Variants in STARD13 observed in about 807,000 individuals in gnomAD.
The protein encoded by STARD13 is StAR related lipid transfer domain containing 13.
A neutral mutation model predicts 106.4 loss-of-function variants in STARD13; 62 were observed. The observed-to-expected ratio is 0.58, with a 90% CI of 0.48 to 0.72. The LOEUF (loss-of-function observed/expected upper bound fraction) is 0.72, where lower values mean the gene tolerates loss of function less well. STARD13 is among the 30% of genes least tolerant of loss of function. The pLI is 0.00. For synonymous variants in STARD13, 565 were observed against 553.0 expected (o/e 1.02, Z -0.31); for missense variants, 1,387 against 1,424.0 (o/e 0.97, Z 0.42).
chr13:33,630,819 C>T, the STARD13 span, among the ~76,000 whole-genome samples: 3 of 152,160 alleles, frequency 2.0e-5, no homozygotes, highest in African/African-American at 7.2e-5. Flanking sequence ...CACCTTCCCT[C>T]ATCATCTCCT....
the STARD13 span, chr13:33,660,004 A>T: frequency 2.0e-5 from 3 of 152,248 alleles, no homozygotes; most frequent in Non-Finnish European, 4.4e-5. Flanking sequence ...TAAATTGCAG[A>T]GATGCCAATG....
the STARD13 span, among the ~76,000 whole-genome samples, chr13:33,414,870 A>AT: frequency 6.6e-6 from 1 of 152,188 alleles, no homozygotes; most frequent in Non-Finnish European, 1.5e-5. Flanking sequence ...TTATAGTAAT[A>AT]TACATAGCAT....
chr13:33,383,857 C>T, the STARD13 span, among the ~76,000 whole-genome samples: 17 of 149,830 alleles, frequency 1.1e-4, no homozygotes, highest in Non-Finnish European at 2.2e-4. Flanking sequence ...TTTTCTCCTT[C>T]GTGAGTTTGT....
rs773393818 is a variant in STARD13 at position 33,111,840 on chromosome 13, C to T, written c.2545G>A (p.Glu849Lys). 2.9e-5 allele frequency: 47 copies of T among 1,614,018 alleles called. No homozygotes were observed. Among genetic ancestry groups the T allele is most frequent in the African/African-American group, 4.0e-5 (3 of 74,892 alleles). ...AGCCCCTGAGCTGCTGCCAGATTCT[C>T]GTTGAGGTCCTTTTGATCTGGCTTC... ...TGKPDQKDLNENLAAAQGLAH... is the reference protein window; with the variant it reads ...TGKPDQKDLNKNLAAAQGLAH... Residue 849 changes from glutamate (E) to lysine (K), a missense_variant, in exon 10 of 14, where the codon GAG (glutamate) becomes AAG (lysine). By Grantham distance (56) the Glu-to-Lys change is moderately conservative (BLOSUM62 1). Transcript: ENST00000336934.
chr13:33,562,411 T>C, the STARD13 span, among the ~76,000 whole-genome samples: 1 of 146,932 alleles, frequency 6.8e-6, no homozygotes, highest in East Asian at 2.0e-4. Context: ...AATGTCTATC[T>C]AACACTTAAG....
the STARD13 span, among the ~76,000 whole-genome samples, chr13:33,447,619 A>G: frequency 6.6e-6 from 1 of 152,200 alleles, no homozygotes; most frequent in African/African-American, 2.4e-5. Flanking sequence ...TATAAAACAT[A>G]TGTCATATGA....
At chr13:33,522,040 C>CT in the STARD13 span, among the ~76,000 whole-genome samples, 1 of 152,006 alleles carries the variant, frequency 6.6e-6, no homozygotes, top group Non-Finnish European at 1.5e-5. Context: ...CTAATAAATA[C>CT]TTTCTTCTTG....
In STARD13 at chr13:33,264,248, C is replaced by T. The variant is rs116651114; in HGVS notation, c.169+21222G>A. On this transcript the variant is annotated intron_variant, in intron 1 of 13. Transcript: ENST00000336934. ...AAGAACAGAGACAAGCCATTTCCAC[C>T]GTGTCTTTTCCAAACTCCTGACCCA... 6.5e-3 allele frequency among the ~76,000 whole-genome samples: 989 copies of T among 152,332 alleles called. 15 individuals carry two copies. Among genetic ancestry groups the T allele is most frequent in the African/African-American group, 0.023 (952 of 41,574 alleles).
At chr13:33,342,541 T>G (rs2077972446) in intron 1 of STARD13, among the ~76,000 whole-genome samples, 1 of 152,046 alleles carries the variant, frequency 6.6e-6, no homozygotes, top group African/African-American at 2.4e-5. Flanking sequence ...TTGTTTTTTT[T>G]TTTTTAAGAC....
the STARD13 span, among the ~76,000 whole-genome samples, chr13:33,440,121 A>G: frequency 1.3e-5 from 2 of 152,198 alleles, no homozygotes; most frequent in South Asian, 4.2e-4. Context: ...CTACAAAAAA[A>G]TTTTAAAATT....
intron 1 of STARD13, among the ~76,000 whole-genome samples, chr13:33,246,287 G>A (rs1284026431): frequency 6.6e-6 from 1 of 152,176 alleles, no homozygotes; most frequent in East Asian, 1.9e-4. Context: ...CACAAAAGAG[G>A]AAAGCACTAC....
chr13:33,545,659 C>T, the STARD13 span, among the ~76,000 whole-genome samples: 10 of 152,308 alleles, frequency 6.6e-5, no homozygotes, highest in African/African-American at 2.2e-4. Context: ...GCTTGATGCC[C>T]TCCTAGTGAT....
intron 1 of STARD13, among the ~76,000 whole-genome samples, chr13:33,296,120 T>C (rs903020745): frequency 5.9e-5 from 9 of 151,630 alleles, no homozygotes; most frequent in African/African-American, 1.7e-4. Flanking sequence ...TCCCAGCTGC[T>C]CACGAGGTTG....
At position 33,341,876 on chromosome 13, in the gene STARD13, T is replaced by C. The variant is rs150528933; in HGVS notation, c.124+8414A>G. ...ACAATCTCAGCTCACTGCAACCTCC[T>C]CCTCTTGGGTTCAAGTGATTCCCCT... On this transcript the variant is annotated intron_variant, in intron 1 of 5. Coordinates refer to the STARD13 transcript ENST00000567873. Among the ~76,000 whole-genome samples, 12 of 151,858 alleles carry C rather than the reference T, an allele frequency of 7.9e-5. No individual in the cohort carries two copies. In the East Asian group the frequency reaches 2.4e-3, roughly 30 times the overall value.
intron 1 of STARD13, among the ~76,000 whole-genome samples, chr13:33,177,985 GAAAGGAAGGAAGGAAGGAAGGAAGGA>G: frequency 1.0e-4 from 1 of 9,894 alleles, no homozygotes; most frequent in Non-Finnish European, 1.7e-4. Context: ...AGGAAGGAAG[GAAAGGAAGGAAGGAAGGAAGGAAGGA>G]AAGGAAGGAA....
At position 33,350,226 on chromosome 13, in the gene STARD13, G is replaced by C; in HGVS notation, c.124+64C>G. On this transcript the variant is annotated intron_variant, in intron 1 of 1. Transcript: ENST00000439831. The stretch of plus-strand genomic sequence containing the variant: ...CAGAGCAGAGGAGGGCGGCGGGCCC[G>C]GGCGGGCTACGGGGCCGGCGCCTCC... 4.8e-6 allele frequency: 7 copies of C among 1,459,190 alleles called. No individual in the cohort carries two copies. The South Asian group carries it at 6.9e-5, about 14-fold the overall frequency. The allele number at this position is 1,459,190 out of a possible 1,614,324, so 90.4% of individuals were successfully genotyped here. A position where few individuals can be genotyped will look rare whatever the true frequency, so the allele number is the denominator to read the frequency against.
At chr13:33,202,394 G>T (rs538188010) in intron 1 of STARD13, among the ~76,000 whole-genome samples, 3 of 152,308 alleles carry the variant, frequency 2.0e-5, no homozygotes, top group African/African-American at 4.8e-5. Flanking sequence ...GTCCCAGAAG[G>T]TGTGTAATGA....
the STARD13 span, among the ~76,000 whole-genome samples, chr13:33,663,874 C>T: frequency 3.3e-5 from 5 of 152,202 alleles, no homozygotes; most frequent in East Asian, 1.9e-4. Flanking sequence ...ATGAGTTCAG[C>T]TTCCGCCTTA....
At chr13:33,248,345 AAAG>A (rs759162875) in intron 1 of STARD13, among the ~76,000 whole-genome samples, 68 of 152,372 alleles carry the variant, frequency 4.5e-4, no homozygotes, top group Admixed American at 9.1e-4. Flanking sequence ...TCTCTAAAAA[AAAG>A]AAGAAGATAA....
Sources: gnomAD v4.1 joint callset for allele counts (sites outside exome capture counted in the v4.1 genomes callset) on GRCh38, gnomAD v4.1.1 for gene constraint, MANE v1.5 for transcripts, NCBI Gene and HGNC (gene_info 2026-07-23, HGNC 2026-07-21) for gene names.